The following SOX5 variants were observed in gnomAD, a reference collection of about 807,000 sequenced individuals.
The protein encoded by SOX5 is SRY-box transcription factor 5.
In SOX5, 9 loss-of-function variants were observed where a neutral mutation model predicts 92.0. The observed-to-expected ratio is 0.10, with a 90% CI of 0.06 to 0.17. The LOEUF is 0.17. Among genes scored for constraint, SOX5 ranks in the 10% least tolerant of loss-of-function variants. The probability of loss-of-function intolerance (pLI) is 1.00; values close to 1 mark genes in which losing one functional copy is unlikely to be tolerated. For missense variants in SOX5, 642 were observed against 944.5 expected (o/e 0.68, Z 4.20); for synonymous variants, 344 against 336.3 (o/e 1.02, Z -0.25).
chr12:23,594,861 C>G (rs562971551), intron 9 of SOX5, among the ~76,000 whole-genome samples: 17 of 152,122 alleles, frequency 1.1e-4, no homozygotes, highest in Non-Finnish European at 2.5e-4. Context: ...TACTTTCCCT[C>G]CTGTTTAGAA....
chr12:23,989,700 A>T (rs1007260245), intron 4 of SOX5, among the ~76,000 whole-genome samples: 1 of 152,112 alleles, frequency 6.6e-6, no homozygotes, highest in African/African-American at 2.4e-5. Context: ...TGCTTCTTAC[A>T]CTTGTTCTCA....
At chr12:24,134,516 G>A (rs1949939809) in intron 4 of SOX5, among the ~76,000 whole-genome samples, 1 of 152,102 alleles carries the variant, frequency 6.6e-6, no homozygotes, top group Non-Finnish European at 1.5e-5. Context: ...TGTTATAAAT[G>A]TGTTTATTTA....
intron 1 of SOX5, among the ~76,000 whole-genome samples, chr12:23,923,293 A>AAATAAATG (rs1555429720): frequency 1.3e-5 from 2 of 149,026 alleles, no homozygotes; most frequent in Admixed American, 6.7e-5. Context: ...ACCCAAAAAT[A>AAATAAATG]AATGAATGAA....
intron 4 of SOX5, among the ~76,000 whole-genome samples, chr12:24,114,573 C>CAAAAAAAAAAAAAAAAAAAAAAAAA (rs55913110): frequency 1.5e-4 from 6 of 40,594 alleles, no homozygotes; most frequent in African/African-American, 1.9e-4. Flanking sequence ...CACCCCGTCA[C>CAAAAAAAAAAAAAAAAAAAAAAAAA]AAAAAAAAAA....
rs919327063 is a variant in SOX5 at position 23,642,929 on chromosome 12, T to G, written c.932-2032A>C. Among the ~76,000 whole-genome samples the G allele has an allele frequency of 3.6e-5, 5 of 138,060 alleles. 1 individual carries two copies. The highest frequency in any genetic ancestry group is 7.6e-3 in the Middle Eastern group (2 of 262). 90.6% of individuals were successfully genotyped at this position (138,060 alleles called of 152,430 possible). A position where few individuals can be genotyped will look rare whatever the true frequency, so the allele number is the denominator to read the frequency against. ...GGTGAAACCCCGTCTCTACTAAAAA[T>G]ACAAAAAATTAGCCGGGCGTAGTGG... On this transcript the variant is annotated intron_variant, in intron 7 of 14. Transcript: ENST00000451604.
chr12:24,084,439 C>T (rs960677412), intron 4 of SOX5, among the ~76,000 whole-genome samples: 1 of 152,040 alleles, frequency 6.6e-6, no homozygotes, highest in African/African-American at 2.4e-5. Context: ...AGTATCTCTC[C>T]AAAACCTAAG....
rs1425720201 is a variant in SOX5, at chr12:23,728,023, T to TA, written c.810+6660dup. Among the ~76,000 whole-genome samples, 6 of 152,176 alleles carry TA rather than the reference T, an allele frequency of 3.9e-5. No homozygotes were observed. In the South Asian group the frequency reaches 6.2e-4, roughly 16 times the overall value. On this transcript the variant is annotated intron_variant, in intron 6 of 14. Transcript: ENST00000451604. ...ATTAGGTAATTGCCAGGAGACATATTAAAAAAAGAATACTTAAGGAATTTT... is the reference window on the plus strand; with the variant it reads ...ATTAGGTAATTGCCAGGAGACATATTAAAAAAAAGAATACTTAAGGAATTTT...
At chr12:23,991,253 C>T (rs1168068160) in intron 4 of SOX5, among the ~76,000 whole-genome samples, 4 of 151,262 alleles carry the variant, frequency 2.6e-5, no homozygotes, top group Non-Finnish European at 4.4e-5. Flanking sequence ...GCCCCAGCTA[C>T]TCAGGAGGCT....
chr12:24,098,542 A>C (rs1945703582), intron 4 of SOX5, among the ~76,000 whole-genome samples: 1 of 152,176 alleles, frequency 6.6e-6, no homozygotes, highest in African/African-American at 2.4e-5. Context: ...AGAACGGTCC[A>C]ATGCATTTAC....
chr12:23,617,752 T>A (rs1324075463), intron 8 of SOX5, among the ~76,000 whole-genome samples: 1 of 152,154 alleles, frequency 6.6e-6, no homozygotes, highest in East Asian at 1.9e-4. Flanking sequence ...AAAGGCTTTC[T>A]TCATTACACA....
At chr12:24,170,242 T>G (rs544883087) in intron 4 of SOX5, among the ~76,000 whole-genome samples, 1 of 152,322 alleles carries the variant, frequency 6.6e-6, no homozygotes, top group African/African-American at 2.4e-5. Flanking sequence ...CAGGCAGCGC[T>G]AGTGCAAGGA....
In SOX5 at chr12:23,541,782, G is replaced by T. The variant is rs143630054; in HGVS notation, c.1771+1429C>A. ...ATTACAAATGCACCTTGTGGACTAG[G>T]TGGCATCTATTATCTTTGTTGAGAA... On this transcript the variant is annotated intron_variant, in intron 13 of 14. Coordinates refer to ENST00000451604, the MANE Select transcript of SOX5 (RefSeq NM_006940.6). 7.1e-3 allele frequency among the ~76,000 whole-genome samples: 1,074 copies of T among 152,238 alleles called. 21 individuals are homozygous for T. Among genetic ancestry groups the T allele is most frequent in the Middle Eastern group, 0.014 (4 of 294 alleles).
chr12:23,866,720 GTCTACTGGTTTTTCAT>G (rs1394666540), intron 2 of SOX5, among the ~76,000 whole-genome samples: 2 of 152,066 alleles, frequency 1.3e-5, no homozygotes, highest in African/African-American at 4.8e-5. Flanking sequence ...ATGGCCTACC[GTCTACTGGTTTTTCAT>G]CCTTCTCCGA....
chr12:24,300,923 C>T (rs556711238), intron 2 of SOX5, among the ~76,000 whole-genome samples: 2 of 152,024 alleles, frequency 1.3e-5, no homozygotes, highest in East Asian at 1.9e-4. Flanking sequence ...GAATGTTGAC[C>T]TATGTCTTTC....
chr12:24,352,910 G>T (rs1164679210), intron 2 of SOX5, among the ~76,000 whole-genome samples: 1 of 152,130 alleles, frequency 6.6e-6, no homozygotes, highest in Non-Finnish European at 1.5e-5. Flanking sequence ...TGGAAAGTTG[G>T]CAGGTACAAG....
chr12:24,358,545 G>A (rs1194495117), intron 2 of SOX5, among the ~76,000 whole-genome samples: 1 of 151,674 alleles, frequency 6.6e-6, no homozygotes, highest in African/African-American at 2.4e-5. Flanking sequence ...CCAAGAGGTG[G>A]AGCTTGCAGT....
rs148266789 is a variant in SOX5, at chr12:23,533,303, GTCTC to G, written c.*912_*915del. 718 of 360,952 alleles carry G rather than the reference GTCTC, an allele frequency of 2.0e-3. No individual in the cohort carries two copies. The highest frequency in any genetic ancestry group is 3.8e-3 in the East Asian group (46 of 12,148). The allele number at this position is 360,952 out of a possible 1,614,324, so 22.4% of individuals were successfully genotyped here. ...AAATATTTTTCTCTAAATTTCTTAT[GTCTC>G]TCTCTCTCTCTCTCTTTTCACCTGA... is the stretch of plus-strand genomic sequence containing the variant. On this transcript the variant is annotated 3_prime_UTR_variant, in exon 15 of 15. Transcript: ENST00000451604.
intron 2 of SOX5, among the ~76,000 whole-genome samples, chr12:24,315,416 GAA>G (rs1177590062): frequency 6.6e-6 from 1 of 151,980 alleles, no homozygotes; most frequent in Non-Finnish European, 1.5e-5. Flanking sequence ...AACAAAAAGG[GAA>G]AAAATACAGA....
At chr12:24,222,230 G>T (rs1027262087) in intron 3 of SOX5, among the ~76,000 whole-genome samples, 1 of 152,142 alleles carries the variant, frequency 6.6e-6, no homozygotes, top group Non-Finnish European at 1.5e-5. Flanking sequence ...CAGTAGAACT[G>T]CCCTGGTCTT....
Sources: allele counts gnomAD v4.1 joint callset (sites outside exome capture counted in the v4.1 genomes callset), GRCh38; gene constraint gnomAD v4.1.1; transcripts MANE v1.5; gene names NCBI Gene and HGNC (gene_info 2026-07-23, HGNC 2026-07-21).